The following VPS35L variants were observed in gnomAD, a reference collection of about 807,000 sequenced individuals.
VPS35L encodes VPS35 endosomal protein sorting factor like, also known as VPS35 endosomal protein-sorting factor-like.
VPS35L carries 83 observed loss-of-function variants against 133.0 expected under a neutral mutation model. The ratio of observed to expected loss-of-function variants is 0.62; its 90% CI spans 0.52 to 0.75. The LOEUF (loss-of-function observed/expected upper bound fraction) is 0.75, where lower values mean the gene tolerates loss of function less well. Among genes scored for constraint, VPS35L ranks in the 30% least tolerant of loss-of-function variants. The pLI is 0.00. For synonymous variants in VPS35L, 423 were observed against 449.9 expected, an observed-to-expected ratio of 0.94 and a Z score of 0.76; for missense variants, 1,083 against 1,206.8, an observed-to-expected ratio of 0.90 and a Z score of 1.52.
At chr16:19,645,086 C>A in intron 23 of VPS35L, 137 bp downstream of exon 23, 2 of 558,090 alleles carry the variant, frequency 3.6e-6, no homozygotes, top group Non-Finnish European at 6.0e-6. Context: ...TAGAAAACAT[C>A]TTACATTAGC....
rs368058652 is a variant in VPS35L, at chr16:19,691,416, G to A, written c.2591G>A (p.Cys864Tyr). 34 of 1,613,998 alleles carry A rather than the reference G, an allele frequency of 2.1e-5. No homozygotes were observed. Among genetic ancestry groups the A allele is most frequent in the Admixed American group, 8.3e-5 (5 of 60,000 alleles). Residue 864 changes from cysteine to tyrosine, a missense_variant, in exon 29 of 31, where the codon TGT (cysteine) becomes TAT (tyrosine). Cys to Tyr is a radical substitution (Grantham distance 194). Transcript: ENST00000417362. ...SKFLAENNKL[C>Y]ETVMAQILEH... is the part of the protein sequence containing the mutation. ...TTCCTGGCAGAAAACAACAAGCTGT[G>A]TGAGACGGTGATGGCTCAGATCCTA...
intron 26 of VPS35L, among the ~76,000 whole-genome samples, chr16:19,660,338 A>AAT (rs1974443004): frequency 1.3e-5 from 2 of 152,126 alleles, no homozygotes; most frequent in Admixed American, 6.5e-5. Context: ...AAAAAAAAAA[A>AAT]AAATAAAGAA....
chr16:19,699,429 A>G lies in VPS35L; in HGVS notation c.2647-73A>G. 1.9e-6 allele frequency: 3 copies of G among 1,575,512 alleles called. No homozygotes were observed. The highest frequency in any genetic ancestry group is 1.7e-6 in the Non-Finnish European group (2 of 1,154,354). ...AGGCATGACCTACCCCAGAGTCAGC[A>G]CTGTCCACAGCATCTCTGCGGGGCA... On this transcript the variant is annotated intron_variant, in intron 29 of 30. Coordinates refer to ENST00000417362, the MANE Select transcript of VPS35L (RefSeq NM_020314.7). The surrounding 1 kb of genome is among the most constrained non-coding windows in gnomAD (Gnocchi z 4.2).
chr16:19,581,026 C>T (rs1971692940), intron 6 of VPS35L, among the ~76,000 whole-genome samples: 1 of 152,112 alleles, frequency 6.6e-6, no homozygotes, highest in Non-Finnish European at 1.5e-5. Context: ...GAGCATTTAT[C>T]TCAGTTTGAG....
Position 19,604,544 on chromosome 16 carries a change from T to G in VPS35L, c.784+2821T>G, listed in dbSNP as rs150967380. ...GTTTGTTTTCCTTTTAGCTAAAATC[T>G]TCATCTGCTTGTGTTAGCTCCAGTT... On this transcript the variant is annotated intron_variant, in intron 9 of 30. Transcript: ENST00000417362. Among the ~76,000 whole-genome samples the G allele has an allele frequency of 2.0e-4, 30 of 152,336 alleles. No individual in the cohort carries two copies. The East Asian group carries it at 5.4e-3, about 27-fold the overall frequency.
intron 7 of VPS35L, among the ~76,000 whole-genome samples, chr16:19,586,070 A>T (rs906197273): frequency 1.3e-5 from 2 of 151,792 alleles, no homozygotes; most frequent in Admixed American, 6.6e-5. Context: ...GCTAATTTTT[A>T]AATTTTTTGT....
At position 19,628,703 on chromosome 16, in the gene VPS35L, C is replaced by T. The variant is rs752559765; in HGVS notation, c.1450C>T (p.Gln484Ter). 1.3e-6 allele frequency: 2 copies of T among 1,599,392 alleles called. No homozygotes were observed. The highest frequency in any genetic ancestry group is 1.7e-6 in the Non-Finnish European group (2 of 1,171,128). The part of the protein sequence containing the change: ...LADPPESDRL[Q>*]ILNEAWKVIT... ...TGATCCTCCTGAGAGTGACCGACTT[C>T]AGATTCTCAACGAAGCTTGGAAAGT... Residue 484 changes from glutamine (Q) to a stop codon, truncating the protein, a stop_gained, in exon 17 of 31, where the codon CAG becomes TAG. Coordinates refer to ENST00000417362, the MANE Select transcript of VPS35L (RefSeq NM_020314.7). LOFTEE classifies it high-confidence loss of function.
intron 26 of VPS35L, among the ~76,000 whole-genome samples, chr16:19,654,663 T>C (rs1422371571): frequency 1.3e-5 from 2 of 152,180 alleles, no homozygotes; most frequent in Non-Finnish European, 2.9e-5. Context: ...CTTCCTTGGA[T>C]ATTAGAAATT....
intron 12 of VPS35L, chr16:19,611,680 T>C (rs1351823946): frequency 6.6e-6 from 1 of 152,078 alleles, no homozygotes; most frequent in Non-Finnish European, 1.5e-5. Context: ...ATACTGAGAA[T>C]GAAAGAAAAA....
At chr16:19,647,689 T>C in intron 23 of VPS35L, 95 bp from the exon 24 acceptor site, 1 of 959,116 alleles carries the variant, frequency 1.0e-6, no homozygotes. Flanking sequence ...GTCATAAAGA[T>C]GAGGTGGCAA....
At chr16:19,583,145 AT>A (rs11303573) in intron 7 of VPS35L, among the ~76,000 whole-genome samples, 44,177 of 151,570 alleles carry the variant, frequency 0.29, 8,158 homozygotes, top group African/African-American at 0.53. Context: ...TAATTCATTG[AT>A]TTTTTTTTAC....
intron 1 of VPS35L, among the ~76,000 whole-genome samples, chr16:19,557,043 A>G (rs1475171849): frequency 6.6e-6 from 1 of 152,124 alleles, no homozygotes; most frequent in African/African-American, 2.4e-5. Flanking sequence ...GAGGCAGGAG[A>G]GTCGCTTGAA....
At position 19,610,028 on chromosome 16, in the gene VPS35L, T is replaced by A. The variant is rs76604707; in HGVS notation, c.930-294T>A. Reference sequence around the variant, plus strand: ...ATGGAAAATAATTGAAGACAAAAACTGTTAAAATTAATAAAATAAATGTGA... The same window carrying A: ...ATGGAAAATAATTGAAGACAAAAACAGTTAAAATTAATAAAATAAATGTGA... On this transcript the variant is annotated intron_variant, in intron 11 of 30. Transcript: ENST00000417362. Among the ~76,000 whole-genome samples the A allele has an allele frequency of 2.3e-4, 35 of 152,168 alleles. No homozygotes were observed. In the East Asian group the frequency reaches 5.4e-3, roughly 24 times the overall value.
chr16:19,667,124 C>A (rs1597413164), intron 26 of VPS35L, among the ~76,000 whole-genome samples: 2 of 152,004 alleles, frequency 1.3e-5, no homozygotes, highest in Admixed American at 1.3e-4. Flanking sequence ...CCACCATGCC[C>A]AGCTAATTTT....
intron 1 of VPS35L, among the ~76,000 whole-genome samples, chr16:19,563,187 A>G (rs1971080655): frequency 6.6e-6 from 1 of 151,894 alleles, no homozygotes; most frequent in East Asian, 1.9e-4. Context: ...TGCTCAAAGA[A>G]GGCTGGGAGT....
At chr16:19,642,200 ACT>A (rs1035389212) in intron 21 of VPS35L, among the ~76,000 whole-genome samples, 194 bp from the exon 22 acceptor site, 2 of 152,094 alleles carry the variant, frequency 1.3e-5, no homozygotes, top group Non-Finnish European at 2.9e-5. Context: ...ACAGAGTGAG[ACT>A]CTGTCTCAAA....
intron 7 of VPS35L, among the ~76,000 whole-genome samples, 199 bp from the exon 8 acceptor site, chr16:19,591,591 G>A (rs1033830935): frequency 3.3e-5 from 5 of 151,914 alleles, no homozygotes; most frequent in African/African-American, 9.7e-5. Context: ...AAGAGGTTCT[G>A]TTGTAAGCAG....
chr16:19,571,002 TGGCTGGGACTACA>T (rs1406792548), intron 3 of VPS35L, among the ~76,000 whole-genome samples: 1 of 149,934 alleles, frequency 6.7e-6, no homozygotes, highest in Non-Finnish European at 1.5e-5. Flanking sequence ...GCCTTCCGAG[TGGCTGGGACTACA>T]GGCACGTGCC....
Position 19,700,445 on chromosome 16 carries a change from C to T in VPS35L, c.2861C>T (p.Ala954Val), listed in dbSNP as rs1466776388. The change falls in exon 31 of 31, where the codon GCC (alanine) becomes GTC (valine). Residue 954 changes from alanine (A) to valine (V), a missense_variant. By Grantham distance (64) the Ala-to-Val change is moderately conservative. Transcript: ENST00000417362. ...GACATGACTCATCTGACGGAGCTGG[C>T]CCTCAGACTCCCTCTGCAAACAAGG... is the stretch of plus-strand genomic sequence containing the variant. ...QPDMTHLTEL[A>V]LRLPLQTRT The T allele has an allele frequency of 6.2e-7, 1 of 1,614,158 alleles. No homozygotes were observed. Among genetic ancestry groups the T allele is most frequent in the Admixed American group, 1.7e-5 (1 of 60,022 alleles).
Sources: allele counts gnomAD v4.1 joint callset (sites outside exome capture counted in the v4.1 genomes callset), GRCh38; gene constraint gnomAD v4.1.1; non-coding constraint Gnocchi (gnomAD v3.1); transcripts MANE v1.5; gene names NCBI Gene and HGNC (gene_info 2026-07-23, HGNC 2026-07-21).